Variants in WWOX observed in about 807,000 individuals in gnomAD.
WWOX encodes WW domain containing oxidoreductase, also known as WW domain-containing oxidoreductase.
A neutral mutation model predicts 46.2 loss-of-function variants in WWOX; 69 were observed. The observed-to-expected ratio is 1.49, with a 90% confidence interval of 1.23 to 1.82. WWOX has a LOEUF of 1.82. Among genes scored for constraint, WWOX ranks in the 40% most tolerant of loss-of-function variants. WWOX has a pLI of 0.00. For missense variants in WWOX, 919 were observed against 542.6 expected (o/e 1.69, Z -6.89); for synonymous variants, 359 against 202.6 (o/e 1.77, Z -6.56).
intron 8 of WWOX, among the ~76,000 whole-genome samples, chr16:79,161,564 C>A (rs1384599712): frequency 6.6e-6 from 1 of 152,058 alleles, no homozygotes; most frequent in Non-Finnish European, 1.5e-5. Flanking sequence ...GTTCCATTGC[C>A]CAGGCTGGAG....
chr16:78,449,354 T>G (rs949341088), intron 8 of WWOX, among the ~76,000 whole-genome samples: 1 of 152,202 alleles, frequency 6.6e-6, no homozygotes, highest in Admixed American at 6.5e-5. Context: ...AGGAAATCAC[T>G]GAGTCTGATC....
intron 8 of WWOX, among the ~76,000 whole-genome samples, chr16:78,674,857 G>A (rs560931013): frequency 1.3e-5 from 2 of 149,952 alleles, no homozygotes; most frequent in Non-Finnish European, 3.0e-5. Context: ...AGAAAGAGCA[G>A]ATCTGGATAA....
intron 8 of WWOX, among the ~76,000 whole-genome samples, chr16:78,621,885 G>A (rs143279927): frequency 9.5e-4 from 144 of 152,096 alleles, no homozygotes; most frequent in African/African-American, 3.1e-3. Context: ...GATTACAGGC[G>A]TGAGCCACCG....
At chr16:78,664,592 C>G (rs1460848359) in intron 8 of WWOX, among the ~76,000 whole-genome samples, 1 of 152,154 alleles carries the variant, frequency 6.6e-6, no homozygotes, top group African/African-American at 2.4e-5. Flanking sequence ...AGTGTCAAAA[C>G]TCTGTGTCCA....
chr16:78,954,157 G>C (rs2046118457), intron 8 of WWOX, among the ~76,000 whole-genome samples: 1 of 152,120 alleles, frequency 6.6e-6, no homozygotes, highest in Non-Finnish European at 1.5e-5. Flanking sequence ...GTCAGAGTAG[G>C]CATGATTGCA....
chr16:78,795,525 T>G (rs1412096285), intron 8 of WWOX, among the ~76,000 whole-genome samples: 1 of 152,208 alleles, frequency 6.6e-6, no homozygotes, highest in Non-Finnish European at 1.5e-5. Flanking sequence ...AGTCCACTGC[T>G]GAGTCTTCCC....
chr16:78,988,036 G>A (rs554988192), intron 8 of WWOX, among the ~76,000 whole-genome samples: 1 of 152,172 alleles, frequency 6.6e-6, no homozygotes, highest in African/African-American at 2.4e-5. Flanking sequence ...AAGGTGTAGG[G>A]AAACATAAAA....
rs540673093 is a variant in WWOX, at chr16:78,591,144, C to T, written c.1056+158392C>T. On this transcript the variant is annotated intron_variant, in intron 8 of 8. Coordinates refer to ENST00000566780, the MANE Select transcript of WWOX (RefSeq NM_016373.4). ...CTGTCAGCTTTTCCCTCAGTTTCAC[C>T]CCCCTTTCTCCCTTTTTCAAGATGG... is the stretch of plus-strand genomic sequence containing the variant. Among the ~76,000 whole-genome samples, 105 of 152,174 alleles carry T rather than the reference C, an allele frequency of 6.9e-4. 1 individual carries two copies. The highest frequency in any genetic ancestry group is 1.1e-3 in the Non-Finnish European group (74 of 68,002).
At chr16:78,561,982 A>ACC (rs397697586) in intron 8 of WWOX, among the ~76,000 whole-genome samples, 4 of 151,810 alleles carry the variant, frequency 2.6e-5, no homozygotes, top group Non-Finnish European at 4.4e-5. Flanking sequence ...CCAACCTAAC[A>ACC]ATGGGTTGAC....
rs1006990231 is a variant in WWOX, at chr16:78,799,283, A to C, written c.1056+366531A>C. 2.0e-5 allele frequency among the ~76,000 whole-genome samples: 3 copies of C among 152,186 alleles called. No individual in the cohort carries two copies. In the South Asian group the frequency reaches 6.2e-4, roughly 32 times the overall value. On this transcript the variant is annotated intron_variant, in intron 8 of 8. Coordinates refer to ENST00000566780, the MANE Select transcript of WWOX (RefSeq NM_016373.4). ...TTAACGGAGAGTTCATGGGCAGGGT[A>C]CAGTCTGTGAGAAGGAATGAAAACC...
At chr16:79,127,603 T>C (rs1356209032) in intron 8 of WWOX, among the ~76,000 whole-genome samples, 2 of 152,212 alleles carry the variant, frequency 1.3e-5, no homozygotes, top group South Asian at 2.1e-4. Context: ...CCCACGTGCA[T>C]GCATGTATTT....
At chr16:78,152,944 G>A (rs1347233107) in intron 4 of WWOX, among the ~76,000 whole-genome samples, 2 of 152,184 alleles carry the variant, frequency 1.3e-5, no homozygotes, top group Non-Finnish European at 2.9e-5. Flanking sequence ...TATGTTATTA[G>A]GGCTATTTAG....
chr16:78,607,996 C>G (rs1189372753), intron 8 of WWOX, among the ~76,000 whole-genome samples: 1 of 152,114 alleles, frequency 6.6e-6, no homozygotes, highest in Non-Finnish European at 1.5e-5. Flanking sequence ...ACCTACAAAA[C>G]ATAATATTAT....
At chr16:78,725,033 C>T (rs1017241360) in intron 8 of WWOX, among the ~76,000 whole-genome samples, 1 of 152,058 alleles carries the variant, frequency 6.6e-6, no homozygotes, top group African/African-American at 2.4e-5. Flanking sequence ...TTGTAGCTCC[C>T]ATAATTCCCA....
intron 8 of WWOX, among the ~76,000 whole-genome samples, chr16:78,627,332 C>T (rs1224526622): frequency 6.6e-6 from 1 of 152,170 alleles, no homozygotes; most frequent in East Asian, 1.9e-4. Flanking sequence ...ACAAACTACT[C>T]AGTATGGAGA....
intron 8 of WWOX, among the ~76,000 whole-genome samples, chr16:78,596,798 G>C (rs2045501969): frequency 9.5e-6 from 1 of 105,402 alleles, no homozygotes; most frequent in South Asian, 2.8e-4. Context: ...ATATAAATCA[G>C]CACGGTTTCA....
At chr16:78,102,637 G>C (rs371085769) in intron 1 of WWOX, among the ~76,000 whole-genome samples, 1 of 152,164 alleles carries the variant, frequency 6.6e-6, no homozygotes, top group African/African-American at 2.4e-5. Flanking sequence ...CTGCCCAAGA[G>C]ACCTTCTTAA....
At chr16:78,232,934 T>C (rs2042355) in intron 5 of WWOX, among the ~76,000 whole-genome samples, 101,604 of 151,906 alleles carry the variant, frequency 0.67, 34,181 homozygotes, top group East Asian at 0.78. Context: ...CTCTGCCTCC[T>C]GGGTTCAAGC....
At position 78,751,461 on chromosome 16, in the gene WWOX, TTATATATATATA is replaced by T. The variant is rs71140824; in HGVS notation, c.1056+318725_1056+318736del. 4.7e-3 allele frequency among the ~76,000 whole-genome samples: 608 copies of T among 128,426 alleles called. 5 individuals are homozygous for T. The highest frequency in any genetic ancestry group is 0.013 in the Middle Eastern group (3 of 226). The allele number at this position is 128,426 out of a possible 152,430, so 84.3% of individuals were successfully genotyped here. On this transcript the variant is annotated intron_variant, in intron 8 of 8. Coordinates refer to ENST00000566780, the MANE Select transcript of WWOX (RefSeq NM_016373.4). ...AGATTATATATATATTTATCAGATT[TTATATATATATA>T]TATATATATATATATGCATATGTTT... is the stretch of plus-strand genomic sequence containing the variant.
Sources: allele counts gnomAD v4.1 joint callset (sites outside exome capture counted in the v4.1 genomes callset), GRCh38; gene constraint gnomAD v4.1.1; transcripts MANE v1.5; gene names NCBI Gene and HGNC (gene_info 2026-07-23, HGNC 2026-07-21).